The following SNX29 variants were observed in gnomAD, a reference collection of about 807,000 sequenced individuals.
SNX29 encodes sorting nexin-29.
Under a neutral mutation model 102.1 loss-of-function variants are expected in SNX29, and 78 were observed. That is an observed-to-expected ratio of 0.76 (90% CI 0.64 to 0.92). The LOEUF is 0.92. Among genes scored for constraint, SNX29 ranks in the 40% least tolerant of loss-of-function variants. SNX29 has a pLI of 0.00. For missense variants in SNX29, 1,280 were observed against 1,061.7 expected, an observed-to-expected ratio of 1.21 and a Z score of -2.86; for synonymous variants, 580 against 414.5, an observed-to-expected ratio of 1.40 and a Z score of -4.85.
intron 10 of SNX29, among the ~76,000 whole-genome samples, chr16:12,071,121 C>T (rs1490503864): frequency 6.6e-6 from 1 of 151,540 alleles, no homozygotes; most frequent in Non-Finnish European, 1.5e-5. Context: ...CTGTAGGTTG[C>T]CTGTTCACTC....
At chr16:12,268,575 G>T (rs114753344) in intron 14 of SNX29, among the ~76,000 whole-genome samples, 1,575 of 152,256 alleles carry the variant, frequency 0.01, 21 homozygotes, top group African/African-American at 0.036. Context: ...ATCTCACCTG[G>T]AAGGGTCCTT....
intron 13 of SNX29, among the ~76,000 whole-genome samples, chr16:12,180,858 T>C (rs2076368038): frequency 6.6e-6 from 1 of 152,212 alleles, no homozygotes; most frequent in South Asian, 2.1e-4. Context: ...CAGAGCTCTC[T>C]CTCCTGTGGA....
chr16:12,126,521 A>C, intron 11 of SNX29, 112 bp from the exon 12 acceptor site: 4 of 1,106,190 alleles, frequency 3.6e-6, no homozygotes, highest in Non-Finnish European at 4.0e-6. Context: ...GAAAGGGAAA[A>C]GGGAACTTAT....
At chr16:12,052,844 T>C (rs1220310528) in intron 8 of SNX29, 6 of 153,854 alleles carry the variant, frequency 3.9e-5, no homozygotes, top group African/African-American at 1.4e-4. Flanking sequence ...TATTGTTTTT[T>C]ATTTTTACTC....
chr16:12,138,206 C>CTTTTTTT (rs58229550), intron 13 of SNX29, among the ~76,000 whole-genome samples: 1 of 123,014 alleles, frequency 8.1e-6, no homozygotes, highest in African/African-American at 3.1e-5. Flanking sequence ...ATTTGTCACT[C>CTTTTTTT]TTTTTTTTTT....
In SNX29 at chr16:12,403,458, G is replaced by A. The variant is rs2084042033; in HGVS notation, c.1966G>A (p.Ala656Thr). Residue 656 changes from alanine (A) to threonine (T), a missense_variant, in exon 18 of 21, where the codon GCG becomes ACG. Transcript: ENST00000566228. ...SLSDFEISNR[A>T]LINVWIPSVF... Reference sequence around the variant, plus strand: ...CTTCCTTTTGGTTAGATCAAACCGGGCGCTGATCAACGTCTGGATCCCCTC... The same window carrying A: ...CTTCCTTTTGGTTAGATCAAACCGGACGCTGATCAACGTCTGGATCCCCTC... 2 of 1,607,722 alleles carry A rather than the reference G, an allele frequency of 1.2e-6. No individual in the cohort carries two copies. Among genetic ancestry groups the A allele is most frequent in the African/African-American group, 1.3e-5 (1 of 74,920 alleles).
chr16:12,402,605 C>T (rs1443956951), intron 17 of SNX29, among the ~76,000 whole-genome samples: 3 of 152,150 alleles, frequency 2.0e-5, no homozygotes, highest in African/African-American at 4.8e-5. Context: ...CAGTGACTTA[C>T]GAGTTAAGTT....
At chr16:12,438,830 A>G (rs1182538474) in intron 18 of SNX29, among the ~76,000 whole-genome samples, 2 of 152,206 alleles carry the variant, frequency 1.3e-5, no homozygotes, top group Non-Finnish European at 2.9e-5. Flanking sequence ...TTCTAGACTC[A>G]GGGAAGGTTC....
At chr16:12,558,343 G>T (rs2078503149) in intron 20 of SNX29, among the ~76,000 whole-genome samples, 1 of 151,950 alleles carries the variant, frequency 6.6e-6, no homozygotes, top group South Asian at 2.1e-4. Flanking sequence ...AGACAAAGAG[G>T]CCCCCTCAGC....
chr16:12,099,998 A>G (rs1162561398), intron 11 of SNX29, among the ~76,000 whole-genome samples: 1 of 152,182 alleles, frequency 6.6e-6, no homozygotes, highest in Non-Finnish European at 1.5e-5. Flanking sequence ...CAGCGACCCC[A>G]TGCAGCGGCT....
intron 20 of SNX29, among the ~76,000 whole-genome samples, chr16:12,539,998 TCA>T (rs1159670194): frequency 2.0e-5 from 3 of 152,168 alleles, no homozygotes; most frequent in Non-Finnish European, 4.4e-5. Context: ...CAGCTTCTTT[TCA>T]GTGTCTTTTG....
intron 14 of SNX29, among the ~76,000 whole-genome samples, chr16:12,258,872 C>T (rs930642357): frequency 6.6e-6 from 1 of 152,160 alleles, no homozygotes; most frequent in Non-Finnish European, 1.5e-5. Flanking sequence ...GGAGGACTTC[C>T]AGCCTCCCTT....
chr16:11,983,376 T>G (rs973151762), intron 1 of SNX29, among the ~76,000 whole-genome samples: 3 of 151,926 alleles, frequency 2.0e-5, no homozygotes, highest in Non-Finnish European at 4.4e-5. Flanking sequence ...GCCCAGCTGC[T>G]TTTTCTTAGT....
chr16:12,128,516 G>A (rs543905886), intron 12 of SNX29, among the ~76,000 whole-genome samples: 22 of 141,600 alleles, frequency 1.6e-4, no homozygotes, highest in African/African-American at 5.8e-4. Flanking sequence ...GCAGTGGTGT[G>A]ATCTCGGCTC....
intron 11 of SNX29, among the ~76,000 whole-genome samples, chr16:12,107,654 C>CA (rs540608506): frequency 2.6e-5 from 4 of 151,362 alleles, no homozygotes; most frequent in East Asian, 3.9e-4. Flanking sequence ...AAAACAAAAA[C>CA]AAAAAAAAGA....
chr16:12,394,945 AG>A (rs748923701), intron 16 of SNX29, among the ~76,000 whole-genome samples: 5 of 152,150 alleles, frequency 3.3e-5, no homozygotes, highest in Non-Finnish European at 7.4e-5. Context: ...CACACCCCTC[AG>A]GACTAGAAGT....
chr16:12,308,157 C>G (rs191680509), intron 15 of SNX29, among the ~76,000 whole-genome samples: 7 of 152,170 alleles, frequency 4.6e-5, no homozygotes, highest in African/African-American at 1.4e-4. Flanking sequence ...GGGTTTTTCC[C>G]CAACCAACAG....
intron 15 of SNX29, among the ~76,000 whole-genome samples, chr16:12,310,627 C>A (rs977247745): frequency 6.6e-6 from 1 of 152,068 alleles, no homozygotes. Flanking sequence ...TGGCGTCTGG[C>A]GACGGGATGG....
intron 20 of SNX29, among the ~76,000 whole-genome samples, chr16:12,538,097 C>T (rs980869488): frequency 1.3e-5 from 2 of 148,960 alleles, no homozygotes; most frequent in South Asian, 2.2e-4. Context: ...AGCAAATTCA[C>T]AGCTTTCTGC....
Sources: allele counts gnomAD v4.1 joint callset (sites outside exome capture counted in the v4.1 genomes callset), GRCh38; gene constraint gnomAD v4.1.1; transcripts MANE v1.5; gene names NCBI Gene and HGNC (gene_info 2026-07-23, HGNC 2026-07-21).